PDIK1L: variants seen among roughly 807,000 people sequenced by gnomAD.
The protein encoded by PDIK1L is serine/threonine-protein kinase PDIK1L.
PDIK1L carries 9 observed loss-of-function variants against 27.1 expected under a neutral mutation model. The ratio of observed to expected loss-of-function variants is 0.33; its 90% CI spans 0.20 to 0.58. The LOEUF (loss-of-function observed/expected upper bound fraction) is 0.58. PDIK1L is among the 20% of genes least tolerant of loss of function. PDIK1L has a pLI of 0.86. For missense variants in PDIK1L, 216 were observed against 413.2 expected (o/e 0.52, Z 4.14); for synonymous variants, 130 against 141.7 (o/e 0.92, Z 0.59).
chr1:26,121,685 A>C lies in PDIK1L; in HGVS notation c.286-152A>C, dbSNP rs781236608. On this transcript the variant is annotated intron_variant, in intron 2 of 2. Transcript: ENST00000374269. ...AAGTTGAAGCATTTTTTAAAGTTTA[A>C]AATGCATATTTGAAAGCACTGATTA... is the stretch of plus-strand genomic sequence containing the variant. The C allele has an allele frequency of 3.9e-5, 32 of 810,186 alleles. 1 individual carries two copies. The highest frequency in any genetic ancestry group is 3.9e-4 in the Middle Eastern group (1 of 2,548). The allele number at this position is 810,186 out of a possible 1,614,324, so 50.2% of individuals were successfully genotyped here. A position where few individuals can be genotyped will look rare whatever the true frequency, so the allele number is the denominator to read the frequency against.
At position 26,121,823 on chromosome 1, in the gene PDIK1L, C is replaced by T. The variant is rs1199837108; in HGVS notation, c.286-14C>T. 13 of 1,582,664 alleles carry T rather than the reference C, an allele frequency of 8.2e-6. No homozygotes were observed. In the Admixed American group the frequency reaches 1.3e-4, roughly 16 times the overall value. On this transcript the variant is annotated splice_polypyrimidine_tract_variant and intron_variant, in intron 2 of 2. Coordinates refer to ENST00000374269, the MANE Select transcript of PDIK1L (RefSeq NM_152835.5). ...TATGCAAATGATTGTAATCTTTTTTCTTCCTTCTTGTAGCTTGTAGAAACT... is the reference window on the plus strand; with the variant it reads ...TATGCAAATGATTGTAATCTTTTTTTTTCCTTCTTGTAGCTTGTAGAAACT...
chr1:26,120,104 G>A lies in PDIK1L; in HGVS notation c.286-1733G>A, dbSNP rs184565448. On this transcript the variant is annotated intron_variant, in intron 2 of 2. Transcript: ENST00000374269. ...TCCATAGCTCTCAGCCAGCGGCCCC[G>A]TGGCCTGTTTTCGTATGGTTTCGAT... 7.2e-5 allele frequency among the ~76,000 whole-genome samples: 11 copies of A among 152,310 alleles called. No individual in the cohort carries two copies. The East Asian group carries it at 9.6e-4, about 13-fold the overall frequency.
rs2088001512 is a variant in PDIK1L, at chr1:26,122,297, C to T, written c.746C>T (p.Ala249Val). 6.2e-7 allele frequency: 1 copy of T among 1,613,978 alleles called. No homozygotes were observed. The highest frequency in any genetic ancestry group is 1.3e-5 in the African/African-American group (1 of 74,894). The stretch of plus-strand genomic sequence containing the variant: ...TTTGCTCTGGGGATTATCATCTGGG[C>T]AATGCTGGAAAGGATCACATTCATA... ...DIFALGIIIW[A>V]MLERITFIDT... The change falls in exon 3 of 3, where the codon GCA (alanine) becomes GTA (valine). Residue 249 changes from alanine (A) to valine (V), a missense_variant. This residue lies in a region of PDIK1L where 169 missense variants were observed against 366.0 expected (regional missense o/e 0.46). Transcript: ENST00000374269. This position sits in a 1 kb window ranked among gnomAD's most constrained non-coding sequence, Gnocchi z 5.4.
upstream of PDIK1L, chr1:26,111,711 C>G (rs1413019409): frequency 6.6e-6 from 1 of 151,670 alleles, no homozygotes; most frequent in Non-Finnish European, 1.5e-5. The surrounding 1 kb of genome is among the most constrained non-coding windows in gnomAD (Gnocchi z 4.0). Flanking sequence ...GGCCGCGCGC[C>G]TCGTCGGTGG....
At chr1:26,120,342 T>C (rs1283331775) in intron 2 of PDIK1L, among the ~76,000 whole-genome samples, 1 of 152,096 alleles carries the variant, frequency 6.6e-6, no homozygotes, top group African/African-American at 2.4e-5. Flanking sequence ...AAGAAAAGCA[T>C]GTTTAGTATC....
At chr1:26,121,011 A>C (rs1170555195) in intron 2 of PDIK1L, among the ~76,000 whole-genome samples, 1 of 152,080 alleles carries the variant, frequency 6.6e-6, no homozygotes, top group Non-Finnish European at 1.5e-5. Flanking sequence ...ATGTCCAGTG[A>C]AGTAATTCTA....
chr1:26,114,412 C>T lies in PDIK1L; in HGVS notation c.104C>T (p.Ala35Val). Residue 35 changes from alanine (A) to valine (V), a missense_variant, in exon 2 of 3, where the codon GCA becomes GTA. Transcript: ENST00000374269. This position sits in a 1 kb window ranked among gnomAD's most constrained non-coding sequence, Gnocchi z 4.8. ...ATCAGAAAGACCTCTGCACGGGTGG[C>T]AGTGAAGAAAATTCGATGTCACGCA... Reference protein sequence around the residue: ...AVIRKTSARVAVKKIRCHAPE... With the variant: ...AVIRKTSARVVVKKIRCHAPE... The T allele has an allele frequency of 6.2e-7, 1 of 1,613,966 alleles. No homozygotes were observed. The highest frequency in any genetic ancestry group is 1.3e-5 in the African/African-American group (1 of 75,012).
chr1:26,118,222 G>A (rs2783619), intron 2 of PDIK1L, among the ~76,000 whole-genome samples: 2,611 of 152,272 alleles, frequency 0.017, 75 homozygotes, highest in African/African-American at 0.055. Context: ...TCAGGAAGCC[G>A]AGGCAGGAGG....
In PDIK1L at chr1:26,122,386, G is replaced by C; in HGVS notation, c.835G>C (p.Val279Leu). ...YVKQGTEIVP[V>L]GEALLENPKM... ...AAAACAAGGAACTGAGATTGTGCCT[G>C]TTGGGGAGGCACTTCTGGAAAATCC... The change falls in exon 3 of 3, where the codon GTT becomes CTT. Residue 279 changes from valine to leucine, a missense_variant. Val to Leu is a conservative substitution (Grantham distance 32). Coordinates refer to ENST00000374269, the MANE Select transcript of PDIK1L (RefSeq NM_152835.5). The surrounding 1 kb of genome is among the most constrained non-coding windows in gnomAD (Gnocchi z 5.4). The C allele has an allele frequency of 1.2e-6, 2 of 1,614,136 alleles. No homozygotes were observed. The highest frequency in any genetic ancestry group is 1.7e-6 in the Non-Finnish European group (2 of 1,179,994).
chr1:26,122,657 T>C lies in PDIK1L; in HGVS notation c.*80T>C. 1 of 1,474,792 alleles carries C rather than the reference T, an allele frequency of 6.8e-7. No homozygotes were observed. Among genetic ancestry groups the C allele is most frequent in the Non-Finnish European group, 9.0e-7 (1 of 1,105,302 alleles). The allele number at this position is 1,474,792 out of a possible 1,614,324, so 91.4% of individuals were successfully genotyped here. On this transcript the variant is annotated 3_prime_UTR_variant, in exon 3 of 3. Coordinates refer to ENST00000374269, the MANE Select transcript of PDIK1L (RefSeq NM_152835.5). The surrounding 1 kb of genome is among the most constrained non-coding windows in gnomAD (Gnocchi z 5.4). ...GCAACATTATGTGGCTGAAAAAGAA[T>C]ATAAAAAGCTAGACTCTACCCTCTA...
chr1:26,115,975 C>T (rs1326414919), intron 2 of PDIK1L, among the ~76,000 whole-genome samples: 3 of 152,076 alleles, frequency 2.0e-5, no homozygotes. Context: ...CCGAGGCAGG[C>T]GGATCACCTG....
At position 26,122,059 on chromosome 1, in the gene PDIK1L, A is replaced by G. The variant is rs1264241614; in HGVS notation, c.508A>G (p.Ile170Val). 21 of 1,614,030 alleles carry G rather than the reference A, an allele frequency of 1.3e-5. No homozygotes were observed. The highest frequency in any genetic ancestry group is 1.8e-5 in the Non-Finnish European group (21 of 1,180,008). ...CCACCGAGATCTTAAGCCTGATAAC[A>G]TCCTGATTTCTCAAACCAGGTTGGA... ...IIHRDLKPDN[I>V]LISQTRLDTS... The change falls in exon 3 of 3, where the codon ATC becomes GTC. Residue 170 changes from isoleucine (I) to valine (V), a missense_variant. Ile to Val is a conservative substitution (Grantham distance 29). Transcript: ENST00000374269. The surrounding 1 kb of genome is among the most constrained non-coding windows in gnomAD (Gnocchi z 5.4).
At position 26,125,005 on chromosome 1, in the gene PDIK1L, G is replaced by A. The variant is rs1023109106; in HGVS notation, c.*2428G>A. On this transcript the variant is annotated 3_prime_UTR_variant, in exon 3 of 3. Coordinates refer to ENST00000374269, the MANE Select transcript of PDIK1L (RefSeq NM_152835.5). ...CATAATAGGTACTCAATAAGCAATTGTTCCTCATAGAGTCTTTTGCCATGA... is the reference window on the plus strand; with the variant it reads ...CATAATAGGTACTCAATAAGCAATTATTCCTCATAGAGTCTTTTGCCATGA... 8 of 152,594 alleles carry A rather than the reference G, an allele frequency of 5.2e-5. No individual in the cohort carries two copies. Among genetic ancestry groups the A allele is most frequent in the African/African-American group, 1.9e-4 (8 of 41,442 alleles). 9.5% of individuals were successfully genotyped at this position (152,594 alleles called of 1,614,324 possible).
At chr1:26,115,808 A>C (rs565901611) in intron 2 of PDIK1L, among the ~76,000 whole-genome samples, 4 of 152,022 alleles carry the variant, frequency 2.6e-5, no homozygotes, top group Non-Finnish European at 4.4e-5. Context: ...TCAAAAAAAA[A>C]AAAACAAAAA....
intron 2 of PDIK1L, among the ~76,000 whole-genome samples, chr1:26,115,966 C>T (rs1341520348): frequency 1.3e-5 from 2 of 151,928 alleles, no homozygotes; most frequent in Non-Finnish European, 2.9e-5. Context: ...TTTGGGAGGC[C>T]GAGGCAGGCG....
intron 2 of PDIK1L, among the ~76,000 whole-genome samples, chr1:26,115,726 G>A (rs994803625): frequency 1.3e-5 from 2 of 151,890 alleles, no homozygotes; most frequent in African/African-American, 2.4e-5. Flanking sequence ...GGCGTGAACC[G>A]GGGAGGCGGA....
chr1:26,122,529 A>T lies in PDIK1L; in HGVS notation c.978A>T (p.Glu326Asp), dbSNP rs367643205. ...PQDRPDAFEL[E>D]LRLVQIAFKD... ...ATCGTCCAGATGCTTTTGAACTAGA[A>T]CTCAGATTAGTACAAATTGCATTTA... The change falls in exon 3 of 3, where the codon GAA becomes GAT. Residue 326 changes from glutamate to aspartate, a missense_variant. Physicochemically the swap from Glu to Asp is conservative, Grantham distance 45. This residue lies in a region of PDIK1L where 169 missense variants were observed against 366.0 expected (regional missense o/e 0.46). Transcript: ENST00000374269. This position sits in a 1 kb window ranked among gnomAD's most constrained non-coding sequence, Gnocchi z 5.4. 1 of 1,613,386 alleles carries T rather than the reference A, an allele frequency of 6.2e-7. No homozygotes were observed. The highest frequency in any genetic ancestry group is 1.3e-5 in the African/African-American group (1 of 74,872).
chr1:26,116,191 A>G (rs1206338797), intron 2 of PDIK1L, among the ~76,000 whole-genome samples: 2 of 149,810 alleles, frequency 1.3e-5, no homozygotes, highest in East Asian at 3.9e-4. Flanking sequence ...GGACAGAGCA[A>G]GACTCCATCT....
chr1:26,116,061 G>A (rs2087871259), intron 2 of PDIK1L, among the ~76,000 whole-genome samples: 1 of 152,044 alleles, frequency 6.6e-6, no homozygotes, highest in African/African-American at 2.4e-5. Flanking sequence ...AAATTAGCCT[G>A]GCATGATAAC....
Sources: allele counts gnomAD v4.1 joint callset (sites outside exome capture counted in the v4.1 genomes callset), GRCh38; gene constraint gnomAD v4.1.1; regional missense constraint gnomAD v4.1.1; non-coding constraint Gnocchi (gnomAD v3.1); transcripts MANE v1.5; gene names NCBI Gene and HGNC (gene_info 2026-07-23, HGNC 2026-07-21).